FARP1: variants seen among roughly 807,000 people sequenced by gnomAD.
The protein encoded by FARP1 is FERM, ARH/RhoGEF and pleckstrin domain protein 1.
In FARP1, 52 loss-of-function variants were observed where a neutral mutation model predicts 128.8. The observed-to-expected ratio is 0.40, with a 90% CI of 0.32 to 0.51. The LOEUF (loss-of-function observed/expected upper bound fraction) is 0.51. Among genes scored for constraint, FARP1 ranks in the 20% least tolerant of loss-of-function variants. The pLI is 0.45. For missense variants in FARP1, 1,333 were observed against 1,367.9 expected (o/e 0.97, Z 0.40); for synonymous variants, 580 against 551.8 (o/e 1.05, Z -0.72).
intron 2 of FARP1, among the ~76,000 whole-genome samples, chr13:98,246,109 TTTTTTG>T (rs1883040134): frequency 7.7e-6 from 1 of 129,166 alleles, no homozygotes; most frequent in African/African-American, 3.0e-5. Context: ...TTTTTTTTTT[TTTTTTG>T]AGACGGAGTC....
chr13:98,263,085 C>T (rs760355028), intron 2 of FARP1, among the ~76,000 whole-genome samples: 20 of 151,988 alleles, frequency 1.3e-4, no homozygotes, highest in Admixed American at 2.0e-4. Flanking sequence ...CTCGGCTCAC[C>T]GCAACCTCCA....
At chr13:98,211,186 C>G (rs1480250224) in intron 1 of FARP1, among the ~76,000 whole-genome samples, 1 of 152,214 alleles carries the variant, frequency 6.6e-6, no homozygotes, top group African/African-American at 2.4e-5. Flanking sequence ...AAGGAGGGGT[C>G]CCCAGATCCT....
chr13:98,194,094 A>G (rs1865639903), intron 1 of FARP1, among the ~76,000 whole-genome samples: 1 of 151,670 alleles, frequency 6.6e-6, no homozygotes, highest in African/African-American at 2.4e-5. Context: ...ATTATACACC[A>G]TTTTATTTTA....
chr13:98,152,839 T>C (rs1876109726), intron 1 of FARP1, among the ~76,000 whole-genome samples: 1 of 152,210 alleles, frequency 6.6e-6, no homozygotes, highest in African/African-American at 2.4e-5. Flanking sequence ...TGTTTGATAA[T>C]GTGTGCAAGT....
chr13:98,162,980 C>A (rs760739535), intron 1 of FARP1, among the ~76,000 whole-genome samples: 10 of 152,066 alleles, frequency 6.6e-5, no homozygotes, highest in Non-Finnish European at 1.5e-4. Flanking sequence ...GATATATACC[C>A]CCCAAAATAT....
intron 2 of FARP1, among the ~76,000 whole-genome samples, chr13:98,313,834 T>A (rs1886599324): frequency 6.6e-6 from 1 of 152,312 alleles, no homozygotes; most frequent in Admixed American, 6.5e-5. Context: ...GGCCCGCTCT[T>A]TGCTCACCTC....
intron 2 of FARP1, among the ~76,000 whole-genome samples, chr13:98,262,080 A>G (rs559090284): frequency 1.6e-4 from 20 of 128,558 alleles, no homozygotes; most frequent in Non-Finnish European, 9.3e-5. Flanking sequence ...CAGTGGTGTG[A>G]TCTCAGCTCA....
At chr13:98,334,276 C>T (rs1887645161) in intron 2 of FARP1, 1 of 152,188 alleles carries the variant, frequency 6.6e-6, no homozygotes, top group Non-Finnish European at 1.5e-5. Flanking sequence ...TGCATCTGGT[C>T]TCAAGTGTCC....
At chr13:98,310,223 G>C (rs191828141) in intron 2 of FARP1, among the ~76,000 whole-genome samples, 2 of 152,018 alleles carry the variant, frequency 1.3e-5, no homozygotes. Context: ...GTCCTAGACC[G>C]GATCCCATCA....
intron 1 of FARP1, chr13:98,177,267 C>T (rs1201638431): frequency 1.3e-6 from 2 of 1,508,414 alleles, no homozygotes; most frequent in African/African-American, 1.4e-5. Context: ...ACGGCCGTGG[C>T]GTGCGTCACC....
intron 2 of FARP1, among the ~76,000 whole-genome samples, chr13:98,243,462 G>GA (rs1016550427): frequency 6.6e-6 from 1 of 152,004 alleles, no homozygotes; most frequent in Non-Finnish European, 1.5e-5. Flanking sequence ...TTGGAAGGCT[G>GA]AGGGGGGTGG....
chr13:98,370,732 G>T (rs1889290791), intron 5 of FARP1, among the ~76,000 whole-genome samples: 1 of 152,192 alleles, frequency 6.6e-6, no homozygotes, highest in Non-Finnish European at 1.5e-5. Flanking sequence ...AAGGACATCA[G>T]ATACAGGAAT....
chr13:98,203,128 C>T (rs994883124), intron 1 of FARP1, among the ~76,000 whole-genome samples: 1 of 152,240 alleles, frequency 6.6e-6, no homozygotes, highest in African/African-American at 2.4e-5. Context: ...TTGTCCCAGG[C>T]CAGGCTGGCC....
chr13:98,376,445 A>C (rs1156662352), intron 5 of FARP1, among the ~76,000 whole-genome samples: 1 of 152,234 alleles, frequency 6.6e-6, no homozygotes, highest in African/African-American at 2.4e-5. Context: ...TGTGCAAATG[A>C]CAAGATCTCC....
At chr13:98,230,214 C>T (rs1281799627) in intron 2 of FARP1, among the ~76,000 whole-genome samples, 1 of 152,170 alleles carries the variant, frequency 6.6e-6, no homozygotes, top group Non-Finnish European at 1.5e-5. Context: ...AACATTACAA[C>T]TTTGAGTATA....
intron 2 of FARP1, among the ~76,000 whole-genome samples, chr13:98,242,938 T>G (rs957254424): frequency 3.9e-5 from 6 of 152,206 alleles, no homozygotes; most frequent in African/African-American, 1.4e-4. Flanking sequence ...TGTAGGCATT[T>G]AGCTCAGAGA....
chr13:98,211,479 T>TC (rs1880704400), intron 1 of FARP1, among the ~76,000 whole-genome samples: 2 of 152,206 alleles, frequency 1.3e-5, no homozygotes, highest in South Asian at 4.1e-4. Flanking sequence ...ACAAAACAAG[T>TC]CCCTGGTGCC....
At chr13:98,382,259 G>A (rs1889913895) in intron 6 of FARP1, 1 of 152,136 alleles carries the variant, frequency 6.6e-6, no homozygotes, top group African/African-American at 2.4e-5. Flanking sequence ...TTTTGAGTAT[G>A]TGTCTGTTTT....
chr13:98,189,711 A>C (rs552938665), intron 1 of FARP1, among the ~76,000 whole-genome samples: 2 of 152,314 alleles, frequency 1.3e-5, no homozygotes, highest in South Asian at 4.1e-4. Context: ...TTGAATTTTC[A>C]ATTTAAAAAC....
Sources: gnomAD v4.1 joint callset for allele counts (sites outside exome capture counted in the v4.1 genomes callset) on GRCh38, gnomAD v4.1.1 for gene constraint, MANE v1.5 for transcripts, NCBI Gene and HGNC (gene_info 2026-07-23, HGNC 2026-07-21) for gene names.